The following GABRB2 variants were observed in gnomAD, a reference collection of about 807,000 sequenced individuals.
The protein encoded by GABRB2 is gamma-aminobutyric acid receptor subunit beta-2.
In GABRB2, 16 loss-of-function variants were observed where a neutral mutation model predicts 54.7. That is an observed-to-expected ratio of 0.29 (90% CI 0.20 to 0.44). The LOEUF (loss-of-function observed/expected upper bound fraction) is 0.44, where lower values mean the gene tolerates loss of function less well. Ranked by LOEUF, GABRB2 falls within the 20% of genes least tolerant of loss-of-function variation. The pLI is 1.00. For synonymous variants in GABRB2, 244 were observed against 233.8 expected (o/e 1.04, Z -0.40); for missense variants, 355 against 644.0 (o/e 0.55, Z 4.86).
intron 3 of GABRB2, among the ~76,000 whole-genome samples, chr5:161,470,171 A>G (rs1758397840): frequency 6.6e-6 from 1 of 151,308 alleles, no homozygotes; most frequent in East Asian, 1.9e-4. Context: ...CTTCCCCTAC[A>G]CATCAACATT....
chr5:161,355,472 A>G (rs892472860), intron 5 of GABRB2, among the ~76,000 whole-genome samples: 6 of 151,542 alleles, frequency 4.0e-5, no homozygotes, highest in African/African-American at 1.5e-4. Context: ...ACACATACAT[A>G]TATGTATGCA....
At chr5:161,377,342 C>T (rs1268495885) in intron 5 of GABRB2, among the ~76,000 whole-genome samples, 1 of 151,988 alleles carries the variant, frequency 6.6e-6, no homozygotes, top group East Asian at 1.9e-4. Flanking sequence ...TAATCATCAT[C>T]CCTTATCTTC....
At chr5:161,469,041 G>A (rs1758359870) in intron 3 of GABRB2, among the ~76,000 whole-genome samples, 1 of 151,756 alleles carries the variant, frequency 6.6e-6, no homozygotes, top group African/African-American at 2.4e-5. Context: ...TGCACAATAT[G>A]TCCCAATTTG....
intron 7 of GABRB2, among the ~76,000 whole-genome samples, chr5:161,331,637 C>A (rs1386804808): frequency 6.6e-6 from 1 of 151,932 alleles, no homozygotes; most frequent in Non-Finnish European, 1.5e-5. Context: ...AGTACACAGT[C>A]CATTACCATG....
At chr5:161,438,602 A>C (rs1355023723) in intron 4 of GABRB2, among the ~76,000 whole-genome samples, 1 of 152,194 alleles carries the variant, frequency 6.6e-6, no homozygotes, top group Non-Finnish European at 1.5e-5. Flanking sequence ...GACCTTTCAG[A>C]CACAGAATTC....
intron 5 of GABRB2, among the ~76,000 whole-genome samples, chr5:161,364,205 C>T (rs566109293): frequency 3.9e-5 from 6 of 152,166 alleles, no homozygotes; most frequent in Non-Finnish European, 7.4e-5. Context: ...CACACACACA[C>T]ATATAAATCT....
chr5:161,291,789 G>A lies in GABRB2; in HGVS notation c.*2292C>T, dbSNP rs1757244624. 2 of 152,450 alleles carry A rather than the reference G, an allele frequency of 1.3e-5. No individual in the cohort carries two copies. The highest frequency in any genetic ancestry group is 4.8e-5 in the African/African-American group (2 of 41,386). The allele number at this position is 152,450 out of a possible 1,614,324, so 9.4% of individuals were successfully genotyped here. On this transcript the variant is annotated 3_prime_UTR_variant, in exon 10 of 10. Coordinates refer to ENST00000393959, the MANE Select transcript of GABRB2 (RefSeq NM_001371727.1). ...ACATAAGAGCCCACTTCTACACTTG[G>A]GCTCTGAGTTGACTCTAGAAGAGCC...
chr5:161,537,741 A>G (rs1260271627), intron 3 of GABRB2, among the ~76,000 whole-genome samples: 3 of 152,082 alleles, frequency 2.0e-5, no homozygotes, highest in Non-Finnish European at 4.4e-5. Flanking sequence ...TATTGACACT[A>G]TTTCATGGGC....
In GABRB2 at chr5:161,294,307, C is replaced by T; in HGVS notation, c.1313G>A (p.Ser438Asn). 1 of 1,614,118 alleles carries T rather than the reference C, an allele frequency of 6.2e-7. No homozygotes were observed. Among genetic ancestry groups the T allele is most frequent in the Non-Finnish European group, 8.5e-7 (1 of 1,180,008 alleles). Residue 438 changes from serine (S) to asparagine (N), a missense_variant, in exon 10 of 10, where the codon AGC (serine) becomes AAC (asparagine). Physicochemically the swap from Ser to Asn is conservative, Grantham distance 46. Transcript: ENST00000393959. ...RSTMLAYDAS[S>N]IQYRKAGLPR... ...CAACCCAGCTTTCCGATACTGGATG[C>T]TGGAGGCATCATAGGCTAGCATTGT... is the stretch of plus-strand genomic sequence containing the variant.
At chr5:161,548,263 A>T (rs1761051536), upstream of GABRB2, 1 of 152,200 alleles carries the variant, frequency 6.6e-6, no homozygotes. Context: ...CAATTCACAA[A>T]AGAAGTCTTC....
chr5:161,504,880 C>T (rs1187586679), intron 3 of GABRB2, among the ~76,000 whole-genome samples: 2 of 150,070 alleles, frequency 1.3e-5, no homozygotes, highest in African/African-American at 4.9e-5. Flanking sequence ...TTCAGAGAGA[C>T]AATTCACAAA....
At chr5:161,470,453 A>G (rs572575110) in intron 3 of GABRB2, among the ~76,000 whole-genome samples, 3 of 152,126 alleles carry the variant, frequency 2.0e-5, no homozygotes, top group African/African-American at 7.2e-5. Flanking sequence ...CAACAATAAT[A>G]AAATAGAACA....
intron 5 of GABRB2, among the ~76,000 whole-genome samples, chr5:161,343,950 T>A (rs1754244321): frequency 6.6e-6 from 1 of 152,092 alleles, no homozygotes; most frequent in South Asian, 2.1e-4. Context: ...AAAATGCAGA[T>A]TCTGATTTAA....
intron 3 of GABRB2, among the ~76,000 whole-genome samples, chr5:161,504,234 C>G (rs141270894): frequency 2.0e-5 from 3 of 152,210 alleles, no homozygotes; most frequent in Admixed American, 6.5e-5. Flanking sequence ...GAACACTACA[C>G]CCAGAAACAG....
At chr5:161,444,638 T>C (rs530109796) in intron 4 of GABRB2, among the ~76,000 whole-genome samples, 52 of 152,266 alleles carry the variant, frequency 3.4e-4, no homozygotes, top group African/African-American at 1.2e-3. Flanking sequence ...TGACAATTGC[T>C]GATCTTATCT....
At chr5:161,303,249 T>C (rs1001689640) in intron 9 of GABRB2, among the ~76,000 whole-genome samples, 1 of 152,204 alleles carries the variant, frequency 6.6e-6, no homozygotes, top group Non-Finnish European at 1.5e-5. Context: ...TTCTACTAAT[T>C]GTTTTCAATA....
intron 3 of GABRB2, among the ~76,000 whole-genome samples, chr5:161,477,197 C>T (rs1275710450): frequency 1.3e-5 from 2 of 148,210 alleles, no homozygotes; most frequent in Non-Finnish European, 3.0e-5. Context: ...AATCACTAAT[C>T]ATTATAAAAA....
chr5:161,362,353 A>C (rs1055105261), intron 5 of GABRB2, among the ~76,000 whole-genome samples: 3 of 152,188 alleles, frequency 2.0e-5, no homozygotes, highest in Non-Finnish European at 4.4e-5. Context: ...CATTGAATCT[A>C]TAAATTACTT....
chr5:161,311,511 G>T (rs77453687), intron 9 of GABRB2, among the ~76,000 whole-genome samples: 4,199 of 152,268 alleles, frequency 0.028, 221 homozygotes, highest in African/African-American at 0.095. Flanking sequence ...ACGTAAAAGT[G>T]AAAGAGTATC....
Sources: gnomAD v4.1 joint callset for allele counts (sites outside exome capture counted in the v4.1 genomes callset) on GRCh38, gnomAD v4.1.1 for gene constraint, MANE v1.5 for transcripts, NCBI Gene and HGNC (gene_info 2026-07-23, HGNC 2026-07-21) for gene names.